The following ZBTB7C variants were observed in gnomAD, a reference collection of about 807,000 sequenced individuals.
ZBTB7C encodes zinc finger and BTB domain containing 7C.
In ZBTB7C, 8 loss-of-function variants were observed where a neutral mutation model predicts 25.7. The observed-to-expected ratio is 0.31, with a 90% CI of 0.18 to 0.56. ZBTB7C has a LOEUF of 0.56. ZBTB7C is among the 20% of genes least tolerant of loss of function. The probability of loss-of-function intolerance (pLI) is 0.91; values close to 1 mark genes in which losing one functional copy is unlikely to be tolerated. For synonymous variants in ZBTB7C, 394 were observed against 369.0 expected, an observed-to-expected ratio of 1.07 and a Z score of -0.78; for missense variants, 824 against 855.2, an observed-to-expected ratio of 0.96 and a Z score of 0.46.
chr18:48,269,482 T>A (rs915689611), intron 2 of ZBTB7C, among the ~76,000 whole-genome samples: 1 of 152,176 alleles, frequency 6.6e-6, no homozygotes, highest in Non-Finnish European at 1.5e-5. Flanking sequence ...AGTCAGACCA[T>A]AGCACATATA....
chr18:48,140,927 A>C (rs995475875), intron 3 of ZBTB7C, among the ~76,000 whole-genome samples: 1 of 152,000 alleles, frequency 6.6e-6, no homozygotes, highest in African/African-American at 2.4e-5. Context: ...CTTGACTTCT[A>C]CAGGCACCTC....
chr18:48,059,996 C>A (rs1342218090), intron 3 of ZBTB7C, among the ~76,000 whole-genome samples: 1 of 152,128 alleles, frequency 6.6e-6, no homozygotes, highest in Non-Finnish European at 1.5e-5. Flanking sequence ...CTAATAAACA[C>A]CAGTTGAAGG....
At chr18:48,043,403 TA>T (rs140010355) in intron 3 of ZBTB7C, among the ~76,000 whole-genome samples, 2,102 of 152,234 alleles carry the variant, frequency 0.014, 57 homozygotes, top group African/African-American at 0.046. Context: ...TATTCAGCAA[TA>T]AAAAGGAGTG....
chr18:48,399,676 G>A (rs991064617), intron 1 of ZBTB7C, among the ~76,000 whole-genome samples: 5 of 152,158 alleles, frequency 3.3e-5, no homozygotes, highest in Non-Finnish European at 5.9e-5. Flanking sequence ...AGTTGGGGTC[G>A]TCAGGTAGAC....
chr18:48,300,148 G>C (rs966768112), intron 2 of ZBTB7C, among the ~76,000 whole-genome samples: 2 of 152,192 alleles, frequency 1.3e-5, no homozygotes, highest in Non-Finnish European at 2.9e-5. Context: ...TTCTGTATCA[G>C]TGTCATGAAG....
intron 1 of ZBTB7C, among the ~76,000 whole-genome samples, chr18:48,348,387 A>G (rs1333882520): frequency 1.3e-5 from 2 of 152,230 alleles, no homozygotes; most frequent in Non-Finnish European, 2.9e-5. Flanking sequence ...CCTGGATACA[A>G]ATCCTCACCT....
intron 1 of ZBTB7C, among the ~76,000 whole-genome samples, chr18:48,367,371 T>TATATA (rs34753129): frequency 9.7e-5 from 11 of 113,404 alleles, no homozygotes; most frequent in East Asian, 2.3e-4. Flanking sequence ...TATATATATA[T>TATATA]AAAATACAAA....
chr18:48,058,758 C>T (rs531386001), intron 3 of ZBTB7C, among the ~76,000 whole-genome samples: 9 of 152,298 alleles, frequency 5.9e-5, no homozygotes, highest in African/African-American at 1.7e-4. Flanking sequence ...CCTGCCATGG[C>T]GAGGCTATAA....
At position 48,042,928 on chromosome 18, in the gene ZBTB7C, C is replaced by T. The variant is rs528323465; in HGVS notation, c.-16-1805G>A. 1.2e-4 allele frequency among the ~76,000 whole-genome samples: 18 copies of T among 152,296 alleles called. No homozygotes were observed. In the South Asian group the frequency reaches 2.9e-3, roughly 25 times the overall value. ...TAACAACTGCAATAAAAATGTACAG[C>T]AAGATTCACCAAACAGAGTATACAG... is the stretch of plus-strand genomic sequence containing the variant. On this transcript the variant is annotated intron_variant, in intron 3 of 4. Coordinates refer to ENST00000590800, the MANE Select transcript of ZBTB7C (RefSeq NM_001318841.2).
chr18:48,210,719 T>C lies in ZBTB7C; in HGVS notation c.-78-24724A>G, dbSNP rs148006477. ...GAGGTGTCTCCGGGGGTAGGGAAAA[T>C]GTTCTGGAATTAGAAGAGATGGTTG... is the stretch of plus-strand genomic sequence containing the variant. On this transcript the variant is annotated intron_variant, in intron 2 of 4. Coordinates refer to ENST00000590800, the MANE Select transcript of ZBTB7C (RefSeq NM_001318841.2). Among the ~76,000 whole-genome samples the C allele has an allele frequency of 2.9e-3, 445 of 151,740 alleles. 3 individuals are homozygous for C. Among genetic ancestry groups the C allele is most frequent in the African/African-American group, 0.01 (424 of 41,052 alleles).
At chr18:48,326,007 T>C (rs2144880685) in intron 2 of ZBTB7C, among the ~76,000 whole-genome samples, 1 of 152,074 alleles carries the variant, frequency 6.6e-6, no homozygotes, top group East Asian at 1.9e-4. Context: ...AGCATTTCGG[T>C]TAAAGTGCTG....
At chr18:48,184,216 C>T (rs1317260201) in intron 3 of ZBTB7C, among the ~76,000 whole-genome samples, 1 of 152,152 alleles carries the variant, frequency 6.6e-6, no homozygotes, top group Non-Finnish European at 1.5e-5. Flanking sequence ...ACATGGACAT[C>T]CAGAACAGAC....
chr18:48,068,237 C>T (rs569525998), intron 3 of ZBTB7C, among the ~76,000 whole-genome samples: 148 of 149,136 alleles, frequency 9.9e-4, no homozygotes, highest in Middle Eastern at 3.6e-3. Context: ...CTCCCGGGTT[C>T]ACACCATTCT....
At chr18:48,179,928 TCCC>T (rs1436482288) in intron 3 of ZBTB7C, among the ~76,000 whole-genome samples, 5 of 129,262 alleles carry the variant, frequency 3.9e-5, no homozygotes, top group African/African-American at 1.5e-4. Flanking sequence ...CTTCCTTCCT[TCCC>T]TGCTTCCTTC....
At chr18:48,202,284 T>C (rs532238087) in intron 2 of ZBTB7C, among the ~76,000 whole-genome samples, 3 of 152,252 alleles carry the variant, frequency 2.0e-5, no homozygotes, top group African/African-American at 7.2e-5. Context: ...TGGGCAGGGC[T>C]GGAGTTCAGG....
intron 3 of ZBTB7C, among the ~76,000 whole-genome samples, chr18:48,167,627 GA>G (rs2041312971): frequency 1.5e-5 from 2 of 133,708 alleles, no homozygotes; most frequent in Admixed American, 1.5e-4. Flanking sequence ...TGCGCCAGTA[GA>G]CTCTGGGTCC....
At chr18:48,104,915 T>C (rs2038976477) in intron 3 of ZBTB7C, among the ~76,000 whole-genome samples, 1 of 152,116 alleles carries the variant, frequency 6.6e-6, no homozygotes, top group Non-Finnish European at 1.5e-5. Context: ...GTGTGGGTCT[T>C]ATATCAGAAG....
chr18:48,085,410 T>C (rs1210311899), intron 3 of ZBTB7C, among the ~76,000 whole-genome samples: 2 of 152,156 alleles, frequency 1.3e-5, no homozygotes, highest in Non-Finnish European at 2.9e-5. Context: ...AAATAAGACA[T>C]GATTTTTTTC....
chr18:48,357,291 G>A lies in ZBTB7C; in HGVS notation c.-303-18893C>T, dbSNP rs75859081. Among the ~76,000 whole-genome samples the A allele has an allele frequency of 2.6e-5, 4 of 152,296 alleles. No homozygotes were observed. The South Asian group carries it at 8.3e-4, about 32-fold the overall frequency. The stretch of plus-strand genomic sequence containing the variant: ...AGTGCTCCTGTTGGAGGCTGGGAAG[G>A]GGGAGGGAGGAATGCCACAAAGACA... On this transcript the variant is annotated intron_variant, in intron 1 of 4. Coordinates refer to ENST00000590800, the MANE Select transcript of ZBTB7C (RefSeq NM_001318841.2).
Sources: gnomAD v4.1 joint callset for allele counts (sites outside exome capture counted in the v4.1 genomes callset) on GRCh38, gnomAD v4.1.1 for gene constraint, MANE v1.5 for transcripts, NCBI Gene and HGNC (gene_info 2026-07-23, HGNC 2026-07-21) for gene names.